PDE1C: variants seen among roughly 807,000 people sequenced by gnomAD.
PDE1C encodes phosphodiesterase 1C.
PDE1C carries 62 observed loss-of-function variants against 93.1 expected under a neutral mutation model. That is an observed-to-expected ratio of 0.67 (90% confidence interval 0.54 to 0.82). The LOEUF (loss-of-function observed/expected upper bound fraction) is 0.82. PDE1C is among the 40% of genes least tolerant of loss of function. The pLI is 0.00. For synonymous variants in PDE1C, 325 were observed against 310.1 expected (o/e 1.05, Z -0.50); for missense variants, 742 against 884.6 (o/e 0.84, Z 2.04).
At chr7:32,120,430 C>T (rs1451510511) in intron 3 of PDE1C, among the ~76,000 whole-genome samples, 1 of 152,198 alleles carries the variant, frequency 6.6e-6, no homozygotes, top group African/African-American at 2.4e-5. Context: ...CCCCATGCCA[C>T]CCAACTGGTA....
At chr7:31,979,785 C>A (rs1431064660) in intron 2 of PDE1C, among the ~76,000 whole-genome samples, 1 of 152,118 alleles carries the variant, frequency 6.6e-6, no homozygotes, top group African/African-American at 2.4e-5. Context: ...GCCAAGGAAA[C>A]AAAGAAGGAG....
At chr7:31,816,588 T>A (rs1788302196) in intron 14 of PDE1C, among the ~76,000 whole-genome samples, 1 of 152,220 alleles carries the variant, frequency 6.6e-6, no homozygotes, top group African/African-American at 2.4e-5. Flanking sequence ...CTGAGAGACA[T>A]CATAAAACTT....
intron 1 of PDE1C, among the ~76,000 whole-genome samples, chr7:32,247,564 C>G (rs1445532296): frequency 6.6e-6 from 1 of 152,168 alleles, no homozygotes; most frequent in African/African-American, 2.4e-5. Context: ...GCTCAACTTA[C>G]AATTGTTCGA....
At chr7:31,768,727 C>A (rs1030151697) in intron 17 of PDE1C, among the ~76,000 whole-genome samples, 5 of 152,116 alleles carry the variant, frequency 3.3e-5, no homozygotes, top group Admixed American at 2.6e-4. Context: ...TACTGATGTG[C>A]TCACCCCTAA....
the PDE1C span, among the ~76,000 whole-genome samples, chr7:31,678,129 A>T: frequency 6.6e-6 from 1 of 152,192 alleles, no homozygotes; most frequent in Non-Finnish European, 1.5e-5. Context: ...ACAAAAAAGT[A>T]GATTTGAAGC....
intron 1 of PDE1C, among the ~76,000 whole-genome samples, chr7:32,392,171 A>G (rs1216879602): frequency 6.6e-6 from 1 of 152,182 alleles, no homozygotes; most frequent in Non-Finnish European, 1.5e-5. Context: ...CAGAAAGATT[A>G]TAAAGAAAAT....
At chr7:32,192,876 C>T (rs1408974548) in intron 2 of PDE1C, among the ~76,000 whole-genome samples, 2 of 152,218 alleles carry the variant, frequency 1.3e-5, no homozygotes, top group East Asian at 3.9e-4. Context: ...GCATAGTTTT[C>T]AGCATACAAG....
At chr7:32,191,463 A>G (rs1804225835) in intron 2 of PDE1C, among the ~76,000 whole-genome samples, 1 of 152,010 alleles carries the variant, frequency 6.6e-6, no homozygotes, top group African/African-American at 2.4e-5. Flanking sequence ...CGAGAATGTT[A>G]TACAAATAGA....
At position 32,193,913 on chromosome 7, in the gene PDE1C, TTTG is replaced by T. The variant is rs1562566156; in HGVS notation, c.136+15573_136+15575del. On this transcript the variant is annotated intron_variant, in intron 2 of 18. Transcript: ENST00000396193. ...ATGTGGTTTTTTTTTTTGGTTTTGT[TTTG>T]TTTTTTTTTTTTTTTTGAGACGGAG... 7.7e-5 allele frequency among the ~76,000 whole-genome samples: 9 copies of T among 116,496 alleles called. 1 individual carries two copies. Among genetic ancestry groups the T allele is most frequent in the South Asian group, 3.2e-4 (1 of 3,120 alleles). 76.4% of individuals were successfully genotyped at this position (116,496 alleles called of 152,430 possible).
the PDE1C span, among the ~76,000 whole-genome samples, chr7:31,625,435 T>C: frequency 1.3e-5 from 2 of 152,110 alleles, no homozygotes; most frequent in East Asian, 1.9e-4. Context: ...TGGAATACTA[T>C]GCAGCCATAA....
downstream of PDE1C, among the ~76,000 whole-genome samples, chr7:31,750,827 G>T (rs2128591279): frequency 6.6e-6 from 1 of 152,252 alleles, no homozygotes; most frequent in African/African-American, 2.4e-5. Context: ...TGCCTCCAAG[G>T]TTCACACCAT....
intron 3 of PDE1C, among the ~76,000 whole-genome samples, chr7:32,155,525 T>C (rs940902043): frequency 6.6e-6 from 1 of 152,206 alleles, no homozygotes; most frequent in African/African-American, 2.4e-5. Context: ...GGTTGCTCAG[T>C]GCTGATGGCC....
chr7:31,928,545 T>C lies in PDE1C; in HGVS notation c.129-47685A>G, dbSNP rs577964702. On this transcript the variant is annotated intron_variant, in intron 2 of 17. Coordinates refer to ENST00000396191, the MANE Select transcript of PDE1C (RefSeq NM_001191057.4). ...GGGCAGCCAGACAGAAAGGTCAGGT[T>C]ACTTACAAAGGGATGCCCATCTAAC... Among the ~76,000 whole-genome samples the C allele has an allele frequency of 4.3e-3, 660 of 152,282 alleles. 7 individuals carry two copies. The highest frequency in any genetic ancestry group is 0.015 in the African/African-American group (637 of 41,568).
intron 2 of PDE1C, among the ~76,000 whole-genome samples, chr7:32,198,530 T>C (rs1804775123): frequency 6.6e-6 from 1 of 152,182 alleles, no homozygotes; most frequent in South Asian, 2.1e-4. Flanking sequence ...ACAAAATCTT[T>C]AGATTACCAT....
intron 1 of PDE1C, among the ~76,000 whole-genome samples, chr7:32,251,078 C>T (rs946627820): frequency 3.3e-5 from 5 of 152,224 alleles, no homozygotes; most frequent in Non-Finnish European, 7.3e-5. Flanking sequence ...AGCACAAGCG[C>T]GCGTGCGCAC....
intron 1 of PDE1C, among the ~76,000 whole-genome samples, chr7:32,280,571 G>A (rs190568961): frequency 7.2e-4 from 110 of 152,002 alleles, no homozygotes; most frequent in African/African-American, 2.4e-3. Flanking sequence ...ATTTTTCAGC[G>A]CCCATGAAAC....
intron 16 of PDE1C, among the ~76,000 whole-genome samples, chr7:31,794,073 C>CAGATAGAT (rs1403714502): frequency 6.0e-5 from 8 of 134,180 alleles, no homozygotes; most frequent in South Asian, 2.6e-4. Context: ...GACAGACAGA[C>CAGATAGAT]AGACAGACAG....
At chr7:31,619,020 G>A in the PDE1C span, among the ~76,000 whole-genome samples, 11 of 152,156 alleles carry the variant, frequency 7.2e-5, no homozygotes, top group African/African-American at 2.4e-4. Flanking sequence ...TCTGAGAGAG[G>A]AAATCCCTCT....
At chr7:32,174,441 G>A (rs1209975810) in intron 2 of PDE1C, among the ~76,000 whole-genome samples, 3 of 151,994 alleles carry the variant, frequency 2.0e-5, no homozygotes, top group South Asian at 2.1e-4. Context: ...ACTCTGCCTC[G>A]GGACCCTGGG....
Sources: gnomAD v4.1 joint callset for allele counts (sites outside exome capture counted in the v4.1 genomes callset) on GRCh38, gnomAD v4.1.1 for gene constraint, MANE v1.5 for transcripts, NCBI Gene and HGNC (gene_info 2026-07-23, HGNC 2026-07-21) for gene names.